The following UTS2B variants were observed in gnomAD, a reference collection of about 807,000 sequenced individuals.
UTS2B encodes urotensin 2B.
UTS2B carries 21 observed loss-of-function variants against 19.2 expected under a neutral mutation model. That is an observed-to-expected ratio of 1.09 (90% CI 0.78 to 1.58). UTS2B has a LOEUF of 1.58. Ranked by LOEUF, UTS2B falls within the 40% of genes most tolerant of loss-of-function variation. UTS2B has a pLI of 0.00. For missense variants in UTS2B, 138 were observed against 130.3 expected (o/e 1.06, Z -0.29); for synonymous variants, 57 against 50.2 (o/e 1.14, Z -0.58).
At chr3:191,276,554 A>G (rs1716241662) in intron 7 of UTS2B, among the ~76,000 whole-genome samples, 1 of 152,170 alleles carries the variant, frequency 6.6e-6, no homozygotes, top group Admixed American at 6.5e-5. Context: ...CAGTTTGGTA[A>G]TTGCAAAGCT....
chr3:191,344,333 C>T, the UTS2B span, among the ~76,000 whole-genome samples: 1 of 152,320 alleles, frequency 6.6e-6, no homozygotes, highest in Non-Finnish European at 1.5e-5. Context: ...GTTCTGTATT[C>T]TGTACTGTCC....
chr3:191,318,492 G>A (rs9854523), intron 2 of UTS2B, among the ~76,000 whole-genome samples: 5 of 152,006 alleles, frequency 3.3e-5, no homozygotes, highest in African/African-American at 7.2e-5. Flanking sequence ...TTTTTGAGAC[G>A]CAATCTCACT....
At chr3:191,281,776 C>T (rs1487924676) in intron 5 of UTS2B, among the ~76,000 whole-genome samples, 1 of 151,216 alleles carries the variant, frequency 6.6e-6, no homozygotes, top group Non-Finnish European at 1.5e-5. Flanking sequence ...TTATACATTC[C>T]CAATCTTTGG....
At chr3:191,295,661 AC>A (rs1716838964) in intron 4 of UTS2B, among the ~76,000 whole-genome samples, 1 of 151,892 alleles carries the variant, frequency 6.6e-6, no homozygotes, top group Non-Finnish European at 1.5e-5. Flanking sequence ...AGGCTTCTCA[AC>A]CATGTCACAA....
At chr3:191,315,357 CCT>C (rs2108607432) in intron 3 of UTS2B, among the ~76,000 whole-genome samples, 1 of 152,264 alleles carries the variant, frequency 6.6e-6, no homozygotes, top group South Asian at 2.1e-4. Context: ...TTCTGTGACC[CCT>C]GATTTACACC....
upstream of UTS2B, among the ~76,000 whole-genome samples, chr3:191,331,856 T>C (rs1043753512): frequency 1.1e-4 from 16 of 152,210 alleles, no homozygotes; most frequent in African/African-American, 3.9e-4. Flanking sequence ...TGTGCAAACA[T>C]TGAGACTGTG....
the UTS2B span, among the ~76,000 whole-genome samples, chr3:191,340,675 A>G: frequency 2.0e-5 from 3 of 152,214 alleles, no homozygotes; most frequent in African/African-American, 7.2e-5. Context: ...GGAGCTTATT[A>G]AACATTTTAG....
intron 3 of UTS2B, among the ~76,000 whole-genome samples, chr3:191,309,164 TTTTG>T (rs534173061): frequency 1.1e-4 from 16 of 152,100 alleles, no homozygotes; most frequent in East Asian, 3.9e-4. Flanking sequence ...GGCTTTCTTG[TTTTG>T]TTTGTTTTTT....
chr3:191,316,596 A>G (rs1259887053), intron 2 of UTS2B, among the ~76,000 whole-genome samples, 157 bp from the exon 3 acceptor site: 1 of 152,196 alleles, frequency 6.6e-6, no homozygotes, highest in Non-Finnish European at 1.5e-5. Flanking sequence ...CCGTTTTACA[A>G]AGAGCGGATT....
At chr3:191,292,762 T>C (rs1482704509) in intron 4 of UTS2B, among the ~76,000 whole-genome samples, 1 of 152,258 alleles carries the variant, frequency 6.6e-6, no homozygotes, top group Non-Finnish European at 1.5e-5. Flanking sequence ...CAACTTTTAC[T>C]GTTAAGGATG....
At chr3:191,290,443 C>G (rs1716680662) in intron 4 of UTS2B, among the ~76,000 whole-genome samples, 1 of 152,180 alleles carries the variant, frequency 6.6e-6, no homozygotes, top group Non-Finnish European at 1.5e-5. Context: ...AGCAATCCCT[C>G]AACAATTGCA....
chr3:191,285,825 G>C (rs963651019), intron 4 of UTS2B, among the ~76,000 whole-genome samples: 5 of 152,116 alleles, frequency 3.3e-5, no homozygotes, highest in African/African-American at 1.2e-4. Context: ...ATTGAACCCA[G>C]GAGGCGGAGG....
At chr3:191,295,120 A>G (rs901205141) in intron 4 of UTS2B, among the ~76,000 whole-genome samples, 3 of 151,976 alleles carry the variant, frequency 2.0e-5, no homozygotes, top group African/African-American at 7.3e-5. Flanking sequence ...CACTCATATA[A>G]TCTTCTACCT....
chr3:191,306,874 C>T (rs958886147), intron 3 of UTS2B, among the ~76,000 whole-genome samples: 10 of 152,264 alleles, frequency 6.6e-5, no homozygotes, highest in African/African-American at 1.9e-4. Context: ...TCAAGTGATC[C>T]GCCTGCCTCA....
chr3:191,291,206 T>C (rs1053575972), intron 4 of UTS2B, among the ~76,000 whole-genome samples: 2 of 152,244 alleles, frequency 1.3e-5, no homozygotes, highest in African/African-American at 2.4e-5. Context: ...TTCTGGATTC[T>C]AGTTCCTTAT....
chr3:191,311,838 C>A (rs894930604), intron 3 of UTS2B, among the ~76,000 whole-genome samples: 9 of 152,064 alleles, frequency 5.9e-5, no homozygotes, highest in Non-Finnish European at 1.2e-4. Flanking sequence ...AGTTATGTGG[C>A]ATGAAAATTT....
At chr3:191,300,029 AT>A (rs113573807) in intron 4 of UTS2B, among the ~76,000 whole-genome samples, 69 of 147,238 alleles carry the variant, frequency 4.7e-4, no homozygotes, top group Non-Finnish European at 4.4e-4. Flanking sequence ...TTTTTTTAAC[AT>A]TTTTTTTTAT....
At chr3:191,283,801 AATG>A (rs1716457751) in intron 4 of UTS2B, among the ~76,000 whole-genome samples, 1 of 152,212 alleles carries the variant, frequency 6.6e-6, no homozygotes, top group Non-Finnish European at 1.5e-5. Context: ...AACCATGAAC[AATG>A]ATGAACCTAG....
chr3:191,272,721 C>T (rs1453869618), intron 8 of UTS2B, among the ~76,000 whole-genome samples: 4 of 151,492 alleles, frequency 2.6e-5, no homozygotes, highest in Admixed American at 1.3e-4. Flanking sequence ...ATTAGCTGGG[C>T]GTGGTGGTGC....
Sources: gnomAD v4.1 joint callset for allele counts (sites outside exome capture counted in the v4.1 genomes callset) on GRCh38, gnomAD v4.1.1 for gene constraint, MANE v1.5 for transcripts, NCBI Gene and HGNC (gene_info 2026-07-23, HGNC 2026-07-21) for gene names.